STRIP2: variants seen among roughly 807,000 people sequenced by gnomAD.
The protein encoded by STRIP2 is striatin interacting protein 2.
Under a neutral mutation model 107.1 loss-of-function variants are expected in STRIP2, and 84 were observed. That is an observed-to-expected ratio of 0.78 (90% CI 0.66 to 0.94). STRIP2 has a LOEUF of 0.94. Ranked by LOEUF, STRIP2 falls within the 40% of genes least tolerant of loss-of-function variation. STRIP2 has a pLI of 0.00. For synonymous variants in STRIP2, 394 were observed against 400.4 expected, an observed-to-expected ratio of 0.98 and a Z score of 0.19; for missense variants, 888 against 1,034.2, an observed-to-expected ratio of 0.86 and a Z score of 1.94.
At chr7:129,449,527 G>A (rs1798125251) in intron 3 of STRIP2, among the ~76,000 whole-genome samples, 1 of 152,184 alleles carries the variant, frequency 6.6e-6, no homozygotes, top group African/African-American at 2.4e-5. Context: ...ATGGCAGCAT[G>A]GGTCAGGGAG....
intron 17 of STRIP2, among the ~76,000 whole-genome samples, chr7:129,469,878 A>G (rs1345003093): frequency 2.0e-5 from 3 of 152,236 alleles, no homozygotes; most frequent in African/African-American, 7.2e-5. Context: ...GTTGGTGTTC[A>G]AAACCTCATG....
At position 129,483,331 on chromosome 7, in the gene STRIP2, A is replaced by G. The variant is rs1799174282; in HGVS notation, c.2254+285A>G. The G allele has an allele frequency of 1.8e-6, 2 of 1,138,162 alleles. No homozygotes were observed. The highest frequency in any genetic ancestry group is 4.0e-5 in the Admixed American group (1 of 24,698). The allele number at this position is 1,138,162 out of a possible 1,614,324, so 70.5% of individuals were successfully genotyped here. On this transcript the variant is annotated intron_variant, in intron 20 of 20. Transcript: ENST00000249344. This position sits in a 1 kb window ranked among gnomAD's most constrained non-coding sequence, Gnocchi z 5.1. Reference sequence around the variant, plus strand: ...ATTCTTTTAAATGACAGCTTTCTCCAAAAGATTTAAATTAAAACAACTTTT... The same window carrying G: ...ATTCTTTTAAATGACAGCTTTCTCCGAAAGATTTAAATTAAAACAACTTTT...
intron 1 of STRIP2, among the ~76,000 whole-genome samples, chr7:129,437,458 G>A (rs1229265696): frequency 6.6e-6 from 1 of 151,594 alleles, no homozygotes; most frequent in Non-Finnish European, 1.5e-5. Flanking sequence ...AAAAGAAAGA[G>A]AATAATAGAA....
At position 129,447,391 on chromosome 7, in the gene STRIP2, G is replaced by C. The variant is rs146201103; in HGVS notation, c.274+3293G>C. On this transcript the variant is annotated intron_variant, in intron 3 of 20. Coordinates refer to ENST00000249344, the MANE Select transcript of STRIP2 (RefSeq NM_020704.3). The stretch of plus-strand genomic sequence containing the variant: ...ACAGGTCCCACAGCACTGGATCCTT[G>C]GAATTTTACTGAGGTAGAAGTTCCC... 5.1e-3 allele frequency among the ~76,000 whole-genome samples: 776 copies of C among 152,266 alleles called. 2 individuals are homozygous for C. The highest frequency in any genetic ancestry group is 7.7e-3 in the Non-Finnish European group (523 of 68,022).
At chr7:129,464,269 C>T in intron 15 of STRIP2, 128 bp downstream of exon 15, 3 of 745,760 alleles carry the variant, frequency 4.0e-6, no homozygotes, top group Non-Finnish European at 4.5e-6. Flanking sequence ...CTCTGCCCAC[C>T]AGTACCCCCT....
At chr7:129,472,824 T>C (rs1461429409) in intron 18 of STRIP2, among the ~76,000 whole-genome samples, 1 of 130,132 alleles carries the variant, frequency 7.7e-6, no homozygotes, top group African/African-American at 2.8e-5. Context: ...TCTTGTGCTG[T>C]CACCCAGGCT....
chr7:129,477,646 A>G (rs989359374), intron 18 of STRIP2, among the ~76,000 whole-genome samples: 5 of 152,292 alleles, frequency 3.3e-5, no homozygotes, highest in Non-Finnish European at 7.4e-5. Context: ...CTTTTAAGCT[A>G]TCCAGATCTA....
Position 129,483,039 on chromosome 7 carries a change from C to T in STRIP2, c.2247C>T (p.Tyr749=), listed in dbSNP as rs369153977. 389 of 1,614,048 alleles carry T rather than the reference C, an allele frequency of 2.4e-4. 1 individual carries two copies. Among genetic ancestry groups the T allele is most frequent in the Non-Finnish European group, 2.8e-4 (336 of 1,180,022 alleles). The change falls in exon 20 of 21, where the codon TAC becomes TAT. Residue 749 remains tyrosine (Y), a synonymous_variant. Coordinates refer to ENST00000249344, the MANE Select transcript of STRIP2 (RefSeq NM_020704.3). The surrounding 1 kb of genome is among the most constrained non-coding windows in gnomAD (Gnocchi z 5.1). ...ACCGCATGAACGATGACTGGGCTTA[C>T]GGGAATGGTGAGTCTTCCCAAAGCT... ...VRHRMNDDWA[Y]GNDIDARPWD... is the part of the protein sequence containing the mutation.
intron 1 of STRIP2, among the ~76,000 whole-genome samples, chr7:129,436,791 G>A (rs1797752960): frequency 6.6e-6 from 1 of 152,184 alleles, no homozygotes; most frequent in African/African-American, 2.4e-5. Flanking sequence ...GAGCCTCATC[G>A]TGTATCACTG....
intron 11 of STRIP2, among the ~76,000 whole-genome samples, chr7:129,459,151 T>C (rs897035468): frequency 1.3e-5 from 2 of 152,168 alleles, no homozygotes; most frequent in African/African-American, 4.8e-5. Flanking sequence ...TCTTCCCCCA[T>C]TCCCCAGCCT....
At chr7:129,485,519 G>A in intron 20 of STRIP2, 60 bp from the exon 21 acceptor site, 1 of 1,584,354 alleles carries the variant, frequency 6.3e-7, no homozygotes, top group Non-Finnish European at 8.6e-7. Flanking sequence ...ACCATGCTCT[G>A]TGATAAGAGG....
intron 5 of STRIP2, among the ~76,000 whole-genome samples, 195 bp downstream of exon 5, chr7:129,453,542 T>G (rs933919710): frequency 6.6e-6 from 1 of 152,234 alleles, no homozygotes; most frequent in Non-Finnish European, 1.5e-5. Flanking sequence ...TCCCTGAGGT[T>G]GGATACATCT....
intron 3 of STRIP2, among the ~76,000 whole-genome samples, chr7:129,450,576 A>T (rs6974105): frequency 0.22 from 33,638 of 152,218 alleles, 4,239 homozygotes; most frequent in Non-Finnish European, 0.28. Context: ...GTGAGTATCT[A>T]TTCTGTGTCA....
At chr7:129,436,187 G>A (rs1211272869) in intron 1 of STRIP2, among the ~76,000 whole-genome samples, 1 of 152,154 alleles carries the variant, frequency 6.6e-6, no homozygotes, top group Non-Finnish European at 1.5e-5. Flanking sequence ...AGGACTTTCT[G>A]CCAGCCACTG....
rs1301269794 is a variant in STRIP2, at chr7:129,477,167, AAG to A, written c.1945-3615_1945-3614del. Among the ~76,000 whole-genome samples, 10 of 87,784 alleles carry A rather than the reference AAG, an allele frequency of 1.1e-4. No individual in the cohort carries two copies. In the Admixed American group the frequency reaches 1.3e-3, roughly 12 times the overall value. The allele number at this position is 87,784 out of a possible 152,430, so 57.6% of individuals were successfully genotyped here. On this transcript the variant is annotated intron_variant, in intron 18 of 20. Coordinates refer to ENST00000249344, the MANE Select transcript of STRIP2 (RefSeq NM_020704.3). The stretch of plus-strand genomic sequence containing the variant: ...CTCGGCATCAGAGGGAGACCGTGGA[AAG>A]AGGGAGAGGGAGACCGTGGGGAGAG...
At chr7:129,467,649 A>G (rs896544882) in intron 17 of STRIP2, among the ~76,000 whole-genome samples, 199 bp downstream of exon 17, 4 of 152,156 alleles carry the variant, frequency 2.6e-5, no homozygotes, top group Admixed American at 6.6e-5. Context: ...TTATATTTTA[A>G]TAGTTTTAAA....
At chr7:129,482,726 A>G in intron 19 of STRIP2, 116 bp from the exon 20 acceptor site, 1 of 1,227,284 alleles carries the variant, frequency 8.1e-7, no homozygotes, top group Non-Finnish European at 1.2e-6. Flanking sequence ...TGGACCATAG[A>G]TTCCTGAAAG....
Position 129,434,524 on chromosome 7 carries a change from G to T in STRIP2, c.52G>T (p.Gly18Cys), listed in dbSNP as rs879581055. 7.7e-5 allele frequency: 117 copies of T among 1,518,650 alleles called. No individual in the cohort carries two copies. The highest frequency in any genetic ancestry group is 2.8e-4 in the Admixed American group (14 of 49,966). The allele number at this position is 1,518,650 out of a possible 1,614,324, so 94.1% of individuals were successfully genotyped here. A position where few individuals can be genotyped will look rare whatever the true frequency, so the allele number is the denominator to read the frequency against. Residue 18 changes from glycine to cysteine, a missense_variant, in exon 1 of 21, where the codon GGC becomes TGC. Transcript: ENST00000249344. ...GTGGPPANGN[G>C]NGGGKGKQAA... ...CGGGGGCCCGCCCGCAAATGGCAAT[G>T]GCAACGGCGGCGGCAAAGGGAAGCA...
intron 18 of STRIP2, among the ~76,000 whole-genome samples, chr7:129,478,880 T>C (rs904914460): frequency 3.3e-5 from 5 of 152,240 alleles, no homozygotes; most frequent in African/African-American, 9.6e-5. Flanking sequence ...ACTGCAAGGC[T>C]TTTTATGCCT....
Sources: gnomAD v4.1 joint callset for allele counts (sites outside exome capture counted in the v4.1 genomes callset) on GRCh38, gnomAD v4.1.1 for gene constraint, Gnocchi (gnomAD v3.1) non-coding constraint, MANE v1.5 for transcripts, NCBI Gene and HGNC (gene_info 2026-07-23, HGNC 2026-07-21) for gene names.